CRISP2: variants seen among roughly 807,000 people sequenced by gnomAD.
The protein encoded by CRISP2 is cysteine-rich secretory protein 2.
CRISP2 carries 29 observed loss-of-function variants against 31.7 expected under a neutral mutation model. The observed-to-expected ratio is 0.92, with a 90% CI of 0.68 to 1.25. The LOEUF is 1.25. CRISP2 is among the 50% of genes most tolerant of loss of function. The pLI is 0.00. For missense variants in CRISP2, 318 were observed against 286.5 expected, an observed-to-expected ratio of 1.11 and a Z score of -0.79; for synonymous variants, 111 against 101.4, an observed-to-expected ratio of 1.09 and a Z score of -0.57.
At chr6:49,706,256 C>A (rs1766998615) in intron 4 of CRISP2, among the ~76,000 whole-genome samples, 1 of 152,050 alleles carries the variant, frequency 6.6e-6, no homozygotes, top group Non-Finnish European at 1.5e-5. Context: ...ATGGTATCTG[C>A]CTTTAAGGAA....
chr6:49,700,565 C>T (rs1483385939), intron 5 of CRISP2, 103 bp downstream of exon 5: 2 of 727,300 alleles, frequency 2.7e-6, no homozygotes, highest in South Asian at 1.6e-5. Context: ...AAAACAGAGA[C>T]ACAACTTTGT....
chr6:49,692,982 G>T, intron 9 of CRISP2, 82 bp from the exon 10 acceptor site: 1 of 1,467,226 alleles, frequency 6.8e-7, no homozygotes, highest in Non-Finnish European at 9.4e-7. Context: ...TGTGGGGAGG[G>T]GGTAGGAGGG....
chr6:49,678,282 C>T, the CRISP2 span, among the ~76,000 whole-genome samples: 1 of 152,018 alleles, frequency 6.6e-6, no homozygotes, highest in Non-Finnish European at 1.5e-5. Flanking sequence ...CTTATATAAA[C>T]TGATTGGGTT....
chr6:49,688,202 T>C (rs980779008), downstream of CRISP2, among the ~76,000 whole-genome samples: 6 of 152,158 alleles, frequency 3.9e-5, no homozygotes, highest in African/African-American at 1.4e-4. Context: ...AACAAAACTA[T>C]GGTTCTGAAA....
intron 9 of CRISP2, among the ~76,000 whole-genome samples, chr6:49,694,607 G>C (rs1244593438): frequency 1.3e-5 from 2 of 152,100 alleles, no homozygotes; most frequent in Non-Finnish European, 2.9e-5. Flanking sequence ...TGTTACCTAG[G>C]GTTTATGAGA....
intron 8 of CRISP2, 157 bp downstream of exon 8, chr6:49,697,703 A>C (rs1765003005): frequency 6.6e-7 from 1 of 1,521,246 alleles, no homozygotes; most frequent in East Asian, 2.6e-5. Flanking sequence ...TTCTCCTCTG[A>C]GAAGTTGAAA....
chr6:49,685,208 T>C, the CRISP2 span, among the ~76,000 whole-genome samples: 2 of 152,202 alleles, frequency 1.3e-5, no homozygotes, highest in African/African-American at 4.8e-5. Context: ...TTCTGAAATT[T>C]CCTCTAACTT....
In CRISP2 at chr6:49,695,911, T is replaced by G. The variant is rs146991158; in HGVS notation, c.529A>C (p.Asn177His). The G allele has an allele frequency of 1.2e-6, 2 of 1,610,854 alleles. No homozygotes were observed. The highest frequency in any genetic ancestry group is 1.7e-6 in the Non-Finnish European group (2 of 1,178,184). Residue 177 changes from asparagine (N) to histidine (H), a missense_variant, in exon 9 of 10, where the codon AAT (asparagine) becomes CAT (histidine). Coordinates refer to ENST00000339139, the MANE Select transcript of CRISP2 (RefSeq NM_003296.4). The part of the protein sequence containing the change: ...CQYCPAGNNM[N>H]RKNTPYQQGT... Reference sequence around the variant, plus strand: ...TGTTGGTACGGGGTATTCTTTCTATTCATATTATTACCACTGAAATTTGAA... The same window carrying G: ...TGTTGGTACGGGGTATTCTTTCTATGCATATTATTACCACTGAAATTTGAA...
chr6:49,684,010 C>G, the CRISP2 span, among the ~76,000 whole-genome samples: 1 of 152,082 alleles, frequency 6.6e-6, no homozygotes, highest in East Asian at 1.9e-4. Flanking sequence ...CCTACTATAT[C>G]TGTACTGAGT....
At chr6:49,693,590 A>G (rs1290400162) in intron 9 of CRISP2, among the ~76,000 whole-genome samples, 2 of 152,182 alleles carry the variant, frequency 1.3e-5, no homozygotes, top group Non-Finnish European at 2.9e-5. Flanking sequence ...AAGGCTGACA[A>G]TTCTCAGCAG....
At chr6:49,682,478 C>A in the CRISP2 span, among the ~76,000 whole-genome samples, 1 of 46,870 alleles carries the variant, frequency 2.1e-5, no homozygotes, top group South Asian at 1.3e-3. Context: ...CCCTCCCTCC[C>A]TCCCTCCTCC....
downstream of CRISP2, among the ~76,000 whole-genome samples, chr6:49,690,308 G>T (rs1355237945): frequency 2.6e-5 from 4 of 152,066 alleles, no homozygotes; most frequent in African/African-American, 9.7e-5. Flanking sequence ...ATATTTAATA[G>T]AGAAAGCACG....
the CRISP2 span, among the ~76,000 whole-genome samples, chr6:49,685,399 C>T: frequency 6.6e-6 from 1 of 152,164 alleles, no homozygotes; most frequent in Non-Finnish European, 1.5e-5. Context: ...GGCAGGGACT[C>T]ACTTTGTTCA....
the CRISP2 span, among the ~76,000 whole-genome samples, chr6:49,684,376 C>A: frequency 6.6e-6 from 1 of 152,124 alleles, no homozygotes; most frequent in Non-Finnish European, 1.5e-5. Flanking sequence ...AAGAAAAAGT[C>A]TGTGCATGTT....
At chr6:49,677,019 T>G in the CRISP2 span, among the ~76,000 whole-genome samples, 12 of 152,130 alleles carry the variant, frequency 7.9e-5, no homozygotes, top group Non-Finnish European at 1.0e-4. Flanking sequence ...TACCTTATAC[T>G]GGGGTAGTAA....
Position 49,695,887 on chromosome 6 carries a change from G to C in CRISP2, c.553C>G (p.Gln185Glu). The C allele has an allele frequency of 6.2e-7, 1 of 1,613,066 alleles. No individual in the cohort carries two copies. Reference protein sequence around the residue: ...NMNRKNTPYQQGTPCAGCPDD... With the variant: ...NMNRKNTPYQEGTPCAGCPDD... ...GGGCAACCGGCACAAGGTGTTCCTT[G>C]TTGGTACGGGGTATTCTTTCTATTC... Residue 185 changes from glutamine (Q) to glutamate (E), a missense_variant, in exon 9 of 10, where the codon CAA becomes GAA. By Grantham distance (29) the Gln-to-Glu change is conservative (BLOSUM62 2). Transcript: ENST00000339139.
chr6:49,687,643 G>C (rs1421631666), downstream of CRISP2, among the ~76,000 whole-genome samples: 1 of 152,214 alleles, frequency 6.6e-6, no homozygotes, highest in Non-Finnish European at 1.5e-5. Flanking sequence ...GGAGGGGTCA[G>C]AGGGTTAATC....
intron 5 of CRISP2, among the ~76,000 whole-genome samples, chr6:49,700,092 A>G (rs1765412837): frequency 1.3e-5 from 2 of 152,182 alleles, no homozygotes; most frequent in Admixed American, 1.3e-4. Context: ...TATATCTAAA[A>G]AGCAAAATAA....
chr6:49,701,637 A>G (rs1235251738), intron 4 of CRISP2, among the ~76,000 whole-genome samples: 2 of 126,756 alleles, frequency 1.6e-5, no homozygotes, highest in Non-Finnish European at 3.2e-5. Context: ...ATATATGTAT[A>G]CATTATATAT....
Sources: allele counts gnomAD v4.1 joint callset (sites outside exome capture counted in the v4.1 genomes callset), GRCh38; gene constraint gnomAD v4.1.1; transcripts MANE v1.5; gene names NCBI Gene and HGNC (gene_info 2026-07-23, HGNC 2026-07-21).